Variants in HGSNAT observed in about 807,000 individuals in gnomAD.
HGSNAT encodes transmembrane protein 76.
Under a neutral mutation model 85.2 loss-of-function variants are expected in HGSNAT, and 59 were observed. The ratio of observed to expected loss-of-function variants is 0.69; its 90% confidence interval spans 0.56 to 0.86. HGSNAT has a LOEUF of 0.86. Among genes scored for constraint, HGSNAT ranks in the 40% least tolerant of loss-of-function variants. The pLI is 0.00. For synonymous variants in HGSNAT, 321 were observed against 304.5 expected, an observed-to-expected ratio of 1.05 and a Z score of -0.56; for missense variants, 756 against 777.1, an observed-to-expected ratio of 0.97 and a Z score of 0.32.
At position 43,140,669 on chromosome 8, in the gene HGSNAT, T is replaced by C. The variant is rs879509126; in HGVS notation, c.118+55T>C. ...CCGGCTACGAGCGCAGCGTCTCCTC[T>C]CCGCGGCGCCGCCCCTATCTCCGTG... On this transcript the variant is annotated intron_variant, in intron 1 of 17. Transcript: ENST00000379644. The C allele has an allele frequency of 9.8e-4, 883 of 902,486 alleles. 1 individual carries two copies. The highest frequency in any genetic ancestry group is 1.2e-3 in the Non-Finnish European group (820 of 698,346). The allele number at this position is 902,486 out of a possible 1,614,324, so 55.9% of individuals were successfully genotyped here. A position where few individuals can be genotyped will look rare whatever the true frequency, so the allele number is the denominator to read the frequency against.
rs780357403 is a variant in HGSNAT at position 43,149,693 on chromosome 8, C to CT, written c.234+2631dup. Among the ~76,000 whole-genome samples the CT allele has an allele frequency of 1.5e-3, 222 of 150,044 alleles. 1 individual carries two copies. Among genetic ancestry groups the CT allele is most frequent in the Non-Finnish European group, 2.5e-3 (169 of 67,690 alleles). On this transcript the variant is annotated intron_variant, in intron 2 of 17. Coordinates refer to ENST00000379644, the MANE Select transcript of HGSNAT (RefSeq NM_152419.3). ...CCAGCCTGGGCAACAGAGCAAGACTCTGTCTCAAAAAAAAAAAAAATTTTT... is the reference window on the plus strand; with the variant it reads ...CCAGCCTGGGCAACAGAGCAAGACTCTTGTCTCAAAAAAAAAAAAAATTTTT...
intron 4 of HGSNAT, among the ~76,000 whole-genome samples, chr8:43,159,867 T>G (rs1239480745): frequency 6.6e-6 from 1 of 152,184 alleles, no homozygotes; most frequent in Non-Finnish European, 1.5e-5. Context: ...TAACAATGTA[T>G]GTGCTGCCTT....
intron 11 of HGSNAT, among the ~76,000 whole-genome samples, chr8:43,186,376 A>G (rs922413505): frequency 6.6e-6 from 1 of 152,098 alleles, no homozygotes; most frequent in Non-Finnish European, 1.5e-5. Context: ...GAGGGTGTGT[A>G]TGTGTCCAGG....
chr8:43,152,801 A>C (rs552005876), intron 2 of HGSNAT, among the ~76,000 whole-genome samples: 131 of 152,260 alleles, frequency 8.6e-4, no homozygotes, highest in African/African-American at 2.2e-3. Context: ...AAGTGGAGAG[A>C]TAGCCAATAA....
At chr8:43,154,911 G>A (rs1586707783) in intron 2 of HGSNAT, among the ~76,000 whole-genome samples, 1 of 152,148 alleles carries the variant, frequency 6.6e-6, no homozygotes, top group East Asian at 1.9e-4. Flanking sequence ...GTATCTCATT[G>A]TGGTTTTGAT....
chr8:43,188,023 G>T (rs1295018199), intron 11 of HGSNAT, among the ~76,000 whole-genome samples: 1 of 152,150 alleles, frequency 6.6e-6, no homozygotes, highest in Non-Finnish European at 1.5e-5. Flanking sequence ...CTGTTAGTCT[G>T]ATGGACTTCC....
Position 43,182,197 on chromosome 8 carries a change from A to G in HGSNAT, c.1065A>G (p.Thr355=), listed in dbSNP as rs778096062. 3 of 1,613,998 alleles carry G rather than the reference A, an allele frequency of 1.9e-6. No homozygotes were observed. Among genetic ancestry groups the G allele is most frequent in the African/African-American group, 1.3e-5 (1 of 75,024 alleles). ...IPGVLQRLGV[T]YFVVAVLELL... is the part of the protein sequence containing the mutation. ...GTGTGCTGCAGCGATTGGGAGTGACATACTTTGTGGTTGCTGTGTTGGAGC... is the reference window on the plus strand; with the variant it reads ...GTGTGCTGCAGCGATTGGGAGTGACGTACTTTGTGGTTGCTGTGTTGGAGC... Residue 355 remains threonine (T), a synonymous_variant, in exon 11 of 18, where the codon ACA becomes ACG. Transcript: ENST00000379644.
At chr8:43,191,917 T>C (rs892107173) in intron 12 of HGSNAT, among the ~76,000 whole-genome samples, 2 of 152,032 alleles carry the variant, frequency 1.3e-5, no homozygotes, top group African/African-American at 4.8e-5. Context: ...ACATAGCCAA[T>C]ATAAACCATG....
At chr8:43,198,715 A>G (rs955656565) in intron 17 of HGSNAT, among the ~76,000 whole-genome samples, 1 of 152,204 alleles carries the variant, frequency 6.6e-6, no homozygotes, top group Non-Finnish European at 1.5e-5. Context: ...TGCAGTTCCA[A>G]CCGAGGACTT....
At chr8:43,196,293 A>G (rs966862382) in intron 14 of HGSNAT, 1 of 366,772 alleles carries the variant, frequency 2.7e-6, no homozygotes, top group Non-Finnish European at 5.3e-6. Flanking sequence ...AAAGCTTCTC[A>G]TCCTTTGATG....
At chr8:43,152,423 C>T (rs1802949522) in intron 2 of HGSNAT, among the ~76,000 whole-genome samples, 1 of 152,040 alleles carries the variant, frequency 6.6e-6, no homozygotes. Flanking sequence ...AAAATGATAG[C>T]AGAATCGAAG....
intron 11 of HGSNAT, among the ~76,000 whole-genome samples, chr8:43,183,784 T>G (rs1351568965): frequency 6.6e-6 from 1 of 152,108 alleles, no homozygotes; most frequent in East Asian, 1.9e-4. Flanking sequence ...ATACCTCCCC[T>G]TTCCCCCTGC....
At chr8:43,188,608 A>G (rs1167630398) in intron 11 of HGSNAT, among the ~76,000 whole-genome samples, 1 of 151,896 alleles carries the variant, frequency 6.6e-6, no homozygotes, top group Non-Finnish European at 1.5e-5. Context: ...TAGCTCGGAG[A>G]AGTTTGTTAT....
intron 10 of HGSNAT, chr8:43,181,865 T>G: frequency 2.2e-6 from 1 of 448,434 alleles, no homozygotes; most frequent in Non-Finnish European, 4.0e-6. Flanking sequence ...AGTAAGACGC[T>G]TTGGTTCTTA....
intron 11 of HGSNAT, 27 bp downstream of exon 11, chr8:43,182,287 A>C (rs1267925939): frequency 1.2e-5 from 19 of 1,564,718 alleles, no homozygotes; most frequent in Non-Finnish European, 1.7e-5. Flanking sequence ...TAATTAAGAA[A>C]AACTTTTTTT....
At chr8:43,194,482 C>G in intron 14 of HGSNAT, 2 of 985,436 alleles carry the variant, frequency 2.0e-6, no homozygotes, top group Non-Finnish European at 2.4e-6. Flanking sequence ...TCATTTGTCA[C>G]ACTTCTTTCA....
intron 9 of HGSNAT, 145 bp downstream of exon 9, chr8:43,173,888 C>T (rs1803719811): frequency 3.7e-6 from 3 of 816,094 alleles, no homozygotes; most frequent in African/African-American, 1.7e-5. Flanking sequence ...GGATAGTTCT[C>T]ATACTTGACC....
intron 1 of HGSNAT, among the ~76,000 whole-genome samples, chr8:43,146,326 G>A (rs571838415): frequency 2.6e-5 from 4 of 152,286 alleles, no homozygotes; most frequent in South Asian, 4.1e-4. Flanking sequence ...TTCAAGACAC[G>A]TGCACCCCGC....
rs972393144 is a variant in HGSNAT, at chr8:43,140,670, CCGCGGCGCCGCCCCTATCTCCGTG to C, written c.118+67_118+90del. 14 of 877,236 alleles carry C rather than the reference CCGCGGCGCCGCCCCTATCTCCGTG, an allele frequency of 1.6e-5. No homozygotes were observed. The African/African-American group carries it at 2.0e-4, about 12-fold the overall frequency. 54.3% of individuals were successfully genotyped at this position (877,236 alleles called of 1,614,324 possible). A position where few individuals can be genotyped will look rare whatever the true frequency, so the allele number is the denominator to read the frequency against. ...CGGCTACGAGCGCAGCGTCTCCTCT[CCGCGGCGCCGCCCCTATCTCCGTG>C]CGCGGCGCCGAGCGCTAGGCCGGGC... On this transcript the variant is annotated intron_variant, in intron 1 of 17. Transcript: ENST00000379644.
Sources: allele counts gnomAD v4.1 joint callset (sites outside exome capture counted in the v4.1 genomes callset), GRCh38; gene constraint gnomAD v4.1.1; transcripts MANE v1.5; gene names NCBI Gene and HGNC (gene_info 2026-07-23, HGNC 2026-07-21).